RASGRF1: variants seen among roughly 807,000 people sequenced by gnomAD.
RASGRF1 encodes the protein ras-specific guanine nucleotide-releasing factor 1.
In RASGRF1, 40 loss-of-function variants were observed where a neutral mutation model predicts 138.7. The ratio of observed to expected loss-of-function variants is 0.29; its 90% CI spans 0.22 to 0.38. The LOEUF is 0.38. Among genes scored for constraint, RASGRF1 ranks in the 10% least tolerant of loss-of-function variants. The pLI is 1.00. For missense variants in RASGRF1, 1,108 were observed against 1,650.4 expected, an observed-to-expected ratio of 0.67 and a Z score of 5.69; for synonymous variants, 614 against 663.2, an observed-to-expected ratio of 0.93 and a Z score of 1.14.
chr15:79,041,197 A>T (rs2057293146), intron 5 of RASGRF1, among the ~76,000 whole-genome samples: 1 of 152,244 alleles, frequency 6.6e-6, no homozygotes. Context: ...ATTGTAATAT[A>T]GCCACACTCA....
intron 21 of RASGRF1, among the ~76,000 whole-genome samples, chr15:78,990,998 A>G (rs1400263684): frequency 6.6e-6 from 1 of 152,224 alleles, no homozygotes; most frequent in Non-Finnish European, 1.5e-5. Flanking sequence ...ACAATGATTC[A>G]AATCCGGTGA....
At chr15:78,971,998 A>T in intron 25 of RASGRF1, 64 bp from the exon 26 acceptor site, 1 of 1,389,338 alleles carries the variant, frequency 7.2e-7, no homozygotes, top group Non-Finnish European at 1.0e-6. Flanking sequence ...CCAACTTTGC[A>T]GAGCTGAAGG....
chr15:79,086,579 C>T (rs975567602), intron 1 of RASGRF1, among the ~76,000 whole-genome samples: 5 of 148,224 alleles, frequency 3.4e-5, no homozygotes, highest in Non-Finnish European at 7.5e-5. Flanking sequence ...TCTAAGACCC[C>T]CCCCCCCCAG....
At chr15:79,023,993 C>T (rs904195058) in intron 10 of RASGRF1, among the ~76,000 whole-genome samples, 4 of 149,006 alleles carry the variant, frequency 2.7e-5, no homozygotes, top group South Asian at 4.3e-4. Context: ...ACATATCTCA[C>T]ACATAGACAC....
chr15:79,030,052 G>A (rs1051395170), intron 8 of RASGRF1, among the ~76,000 whole-genome samples: 2 of 152,152 alleles, frequency 1.3e-5, no homozygotes, highest in Non-Finnish European at 2.9e-5. Context: ...CTTCCTGCTT[G>A]GTGGTTTCGT....
At chr15:79,074,710 T>C (rs2057809478) in intron 1 of RASGRF1, among the ~76,000 whole-genome samples, 1 of 152,186 alleles carries the variant, frequency 6.6e-6, no homozygotes, top group Non-Finnish European at 1.5e-5. Flanking sequence ...CACAGCCTCA[T>C]TCAGGGACTC....
At chr15:79,072,630 A>C (rs528163497) in intron 1 of RASGRF1, among the ~76,000 whole-genome samples, 2 of 152,284 alleles carry the variant, frequency 1.3e-5, no homozygotes, top group East Asian at 3.9e-4. Flanking sequence ...CCTGCATAGC[A>C]CCAGAGCTCT....
intron 3 of RASGRF1, among the ~76,000 whole-genome samples, chr15:79,052,803 C>T (rs1291882293): frequency 6.6e-6 from 1 of 151,982 alleles, no homozygotes; most frequent in Non-Finnish European, 1.5e-5. Context: ...GGCAGCAGGT[C>T]TTGGGAATGG....
intron 26 of RASGRF1, among the ~76,000 whole-genome samples, chr15:78,965,782 C>G (rs1477011301): frequency 6.6e-6 from 1 of 152,194 alleles, no homozygotes; most frequent in Admixed American, 6.5e-5. Context: ...ACCTGGGAGG[C>G]AGAAGTTGCA....
chr15:79,012,576 G>C (rs2080780169), intron 13 of RASGRF1: 2 of 1,612,072 alleles, frequency 1.2e-6, no homozygotes, highest in South Asian at 2.2e-5. Flanking sequence ...GGTCCTTGAA[G>C]TTGTAAGTTT....
chr15:78,976,113 CA>C (rs1292204530), intron 24 of RASGRF1, among the ~76,000 whole-genome samples: 1 of 152,104 alleles, frequency 6.6e-6, no homozygotes, highest in African/African-American at 2.4e-5. Flanking sequence ...GGTTTCTGAC[CA>C]CCCAGATCAG....
chr15:79,016,553 G>A (rs982785184), intron 12 of RASGRF1, among the ~76,000 whole-genome samples: 13 of 152,222 alleles, frequency 8.5e-5, no homozygotes, highest in Admixed American at 5.9e-4. Context: ...GAGGCCTGGT[G>A]GGCACCCTCT....
rs201344769 is a variant in RASGRF1 at position 78,991,790 on chromosome 15, T to G, written c.3032A>C (p.Glu1011Ala). ...TTCAAAGGGCTCAGCCTTCACGCCT[T>G]CAGCCTGGTTTTGAGTTGGGGGAGC... is the stretch of plus-strand genomic sequence containing the variant. Reference protein sequence around the residue: ...ITLEEITQMAEGVKAEPFENH... With the variant: ...ITLEEITQMAAGVKAEPFENH... Residue 1011 changes from glutamate (E) to alanine (A), a missense_variant, in exon 21 of 27, where the codon GAA becomes GCA. Physicochemically the swap from Glu to Ala is moderately radical, Grantham distance 107. Coordinates refer to ENST00000558480, the MANE Select transcript of RASGRF1 (RefSeq NM_001145648.3). The G allele has an allele frequency of 1.2e-5, 20 of 1,611,724 alleles. No homozygotes were observed. The highest frequency in any genetic ancestry group is 1.7e-5 in the Non-Finnish European group (20 of 1,178,086).
intron 4 of RASGRF1, among the ~76,000 whole-genome samples, chr15:79,047,468 T>C (rs1464968045): frequency 6.6e-6 from 1 of 152,228 alleles, no homozygotes; most frequent in East Asian, 1.9e-4. Flanking sequence ...ATGCCTTGTC[T>C]TGTCTAATGA....
chr15:79,007,801 C>T (rs1387461658), intron 13 of RASGRF1, among the ~76,000 whole-genome samples: 2 of 151,752 alleles, frequency 1.3e-5, no homozygotes, highest in Non-Finnish European at 2.9e-5. Context: ...AATCCTCCTG[C>T]CTTGGCCTCC....
rs142111396 is a variant in RASGRF1, at chr15:78,971,142, T to C, written c.3681+724A>G. Among the ~76,000 whole-genome samples the C allele has an allele frequency of 9.7e-3, 1,472 of 152,264 alleles. 29 individuals carry two copies. Among genetic ancestry groups the C allele is most frequent in the African/African-American group, 0.033 (1,383 of 41,534 alleles). ...CAGGATTCTCCTACTCCAGTAAGGC[T>C]CTCTAGGCCCTCAGAGCAGCACAGA... is the stretch of plus-strand genomic sequence containing the variant. On this transcript the variant is annotated intron_variant, in intron 26 of 26. Coordinates refer to ENST00000558480, the MANE Select transcript of RASGRF1 (RefSeq NM_001145648.3).
rs1302519606 is a variant in RASGRF1 at position 79,090,622 on chromosome 15, T to C, written c.-124A>G. ...TCGCTCGCTCCCTCTAGCTCTCCCC[T>C]CCCCCCAAATATCTACACTCCAGGA... On this transcript the variant is annotated 5_prime_UTR_variant, in exon 1 of 27. Coordinates refer to ENST00000558480, the MANE Select transcript of RASGRF1 (RefSeq NM_001145648.3). 7 of 1,268,170 alleles carry C rather than the reference T, an allele frequency of 5.5e-6. No individual in the cohort carries two copies. Among genetic ancestry groups the C allele is most frequent in the East Asian group, 2.5e-5 (1 of 40,784 alleles). The allele number at this position is 1,268,170 out of a possible 1,614,324, so 78.6% of individuals were successfully genotyped here.
chr15:79,049,146 G>A (rs1335812262), intron 4 of RASGRF1, among the ~76,000 whole-genome samples: 2 of 152,170 alleles, frequency 1.3e-5, no homozygotes. Flanking sequence ...GTGGAGAGGT[G>A]GCCCTGGGGG....
Position 79,032,451 on chromosome 15 carries a change from G to T in RASGRF1, c.959-135C>A. 1.2e-6 allele frequency: 1 copy of T among 800,116 alleles called. No individual in the cohort carries two copies. Among genetic ancestry groups the T allele is most frequent in the African/African-American group, 1.7e-5 (1 of 58,022 alleles). The allele number at this position is 800,116 out of a possible 1,614,324, so 49.6% of individuals were successfully genotyped here. Reference sequence around the variant, plus strand: ...AGTTCCCCACCCCAGAGACATCTCTGCTCTTGGGGATGACTCCAGTACCAC... The same window carrying T: ...AGTTCCCCACCCCAGAGACATCTCTTCTCTTGGGGATGACTCCAGTACCAC... On this transcript the variant is annotated intron_variant, in intron 6 of 26. Transcript: ENST00000558480. The surrounding 1 kb of genome is among the most constrained non-coding windows in gnomAD (Gnocchi z 4.5).
Sources: gnomAD v4.1 joint callset for allele counts (sites outside exome capture counted in the v4.1 genomes callset) on GRCh38, gnomAD v4.1.1 for gene constraint, Gnocchi (gnomAD v3.1) non-coding constraint, MANE v1.5 for transcripts, NCBI Gene and HGNC (gene_info 2026-07-23, HGNC 2026-07-21) for gene names.